The following CSMD1 variants were observed in gnomAD, a reference collection of about 807,000 sequenced individuals.
The protein encoded by CSMD1 is CUB and sushi domain-containing protein 1.
Under a neutral mutation model 417.5 loss-of-function variants are expected in CSMD1, and 213 were observed. The ratio of observed to expected loss-of-function variants is 0.51; its 90% CI spans 0.46 to 0.57. CSMD1 has a LOEUF of 0.57. Ranked by LOEUF, CSMD1 falls within the 20% of genes least tolerant of loss-of-function variation. The pLI, the probability that CSMD1 is intolerant of heterozygous loss-of-function variation, is 0.00. For missense variants in CSMD1, 6,923 were observed against 4,529.7 expected (o/e 1.53, Z -15.17); for synonymous variants, 2,862 against 1,736.8 (o/e 1.65, Z -16.11).
rs1157479482 is a variant in CSMD1 at position 4,201,540 on chromosome 8, CAAAAAAAAAAAAAAAAA to C, written c.416-169458_416-169442del. ...GTAAGAGATCCAGACTCTGTCTCCA[CAAAAAAAAAAAAAAAAA>C]AAAAAAAAAAAAAAAAAAATCAGAA... On this transcript the variant is annotated intron_variant, in intron 3 of 69. Coordinates refer to ENST00000635120, the MANE Select transcript of CSMD1 (RefSeq NM_033225.6). 1.2e-4 allele frequency among the ~76,000 whole-genome samples: 7 copies of C among 59,048 alleles called. No individual in the cohort carries two copies. The East Asian group carries it at 3.0e-3, about 25-fold the overall frequency. 38.7% of individuals were successfully genotyped at this position (59,048 alleles called of 152,430 possible). A position where few individuals can be genotyped will look rare whatever the true frequency, so the allele number is the denominator to read the frequency against.
intron 7 of CSMD1, among the ~76,000 whole-genome samples, chr8:3,664,867 C>G (rs1006148253): frequency 1.3e-5 from 2 of 152,160 alleles, no homozygotes; most frequent in African/African-American, 4.8e-5. Context: ...ATAAACAATT[C>G]AGACAGAATT....
intron 1 of CSMD1, among the ~76,000 whole-genome samples, chr8:4,796,656 A>T (rs1032358161): frequency 1.3e-5 from 2 of 152,180 alleles, no homozygotes; most frequent in Non-Finnish European, 2.9e-5. Context: ...ACACTGGGAA[A>T]CAAATGAGCA....
chr8:4,871,952 G>C (rs1802762148), intron 1 of CSMD1, among the ~76,000 whole-genome samples: 1 of 151,988 alleles, frequency 6.6e-6, no homozygotes, highest in South Asian at 2.1e-4. Context: ...CTATGGTCTG[G>C]ACCAAGCATA....
chr8:4,441,339 C>G (rs1046990521), intron 2 of CSMD1, among the ~76,000 whole-genome samples: 2 of 143,732 alleles, frequency 1.4e-5, no homozygotes, highest in East Asian at 2.1e-4. Context: ...TTTTAAACAG[C>G]TGGCCCCAAG....
chr8:3,314,131 G>C (rs895276431), intron 23 of CSMD1, among the ~76,000 whole-genome samples: 3 of 151,862 alleles, frequency 2.0e-5, no homozygotes, highest in African/African-American at 4.8e-5. Flanking sequence ...GGGGTGGGGG[G>C]AGTGGGGAGG....
intron 53 of CSMD1, among the ~76,000 whole-genome samples, chr8:2,999,621 A>C (rs1458314720): frequency 6.6e-6 from 1 of 152,112 alleles, no homozygotes; most frequent in Non-Finnish European, 1.5e-5. Flanking sequence ...CCCTCCTACT[A>C]TCAGCTTTTC....
At chr8:3,704,953 G>C (rs1024573533) in intron 7 of CSMD1, 2 of 152,178 alleles carry the variant, frequency 1.3e-5, no homozygotes, top group Non-Finnish European at 2.9e-5. Flanking sequence ...CCCAGTGTTT[G>C]TTTTTACTTT....
At chr8:3,972,899 ATG>A (rs1813184088) in intron 5 of CSMD1, among the ~76,000 whole-genome samples, 1 of 151,722 alleles carries the variant, frequency 6.6e-6, no homozygotes, top group African/African-American at 2.4e-5. Flanking sequence ...AAATGTAAAA[ATG>A]GAAAACAACC....
At chr8:4,671,215 G>C (rs184159455) in intron 1 of CSMD1, among the ~76,000 whole-genome samples, 1 of 152,248 alleles carries the variant, frequency 6.6e-6, no homozygotes, top group African/African-American at 2.4e-5. Context: ...TCAAGATGAA[G>C]TATTCAATCC....
At chr8:3,084,100 T>C (rs972821576) in intron 49 of CSMD1, among the ~76,000 whole-genome samples, 5 of 152,284 alleles carry the variant, frequency 3.3e-5, no homozygotes, top group African/African-American at 1.2e-4. Flanking sequence ...AGAAGGTTTC[T>C]AGCATAATCC....
At chr8:4,839,678 A>G (rs990546233) in intron 1 of CSMD1, among the ~76,000 whole-genome samples, 2 of 152,204 alleles carry the variant, frequency 1.3e-5, no homozygotes, top group African/African-American at 4.8e-5. Context: ...CAGATTTCAG[A>G]ATTCTCACTT....
At chr8:4,492,863 G>T (rs576681075) in intron 2 of CSMD1, among the ~76,000 whole-genome samples, 1 of 152,150 alleles carries the variant, frequency 6.6e-6, no homozygotes, top group African/African-American at 2.4e-5. Flanking sequence ...TACAGAACAT[G>T]CTTGAAAAAT....
chr8:4,245,054 G>C (rs1453392322), intron 3 of CSMD1, among the ~76,000 whole-genome samples: 5 of 152,252 alleles, frequency 3.3e-5, no homozygotes, highest in African/African-American at 1.2e-4. Flanking sequence ...ATTAGAAAAT[G>C]TGTATTATAG....
At chr8:3,870,733 T>C (rs1270532335) in intron 5 of CSMD1, among the ~76,000 whole-genome samples, 2 of 152,166 alleles carry the variant, frequency 1.3e-5, no homozygotes, top group African/African-American at 2.4e-5. Flanking sequence ...TCTGTTAATG[T>C]CCTATGGCCA....
chr8:4,139,855 T>C (rs13259627), intron 3 of CSMD1, among the ~76,000 whole-genome samples: 45,325 of 150,516 alleles, frequency 0.3, 8,460 homozygotes, highest in Non-Finnish European at 0.39. Context: ...AGTGATCAGA[T>C]GGAAATTTTA....
At chr8:4,159,356 T>A (rs146418220) in intron 3 of CSMD1, among the ~76,000 whole-genome samples, 282 of 152,328 alleles carry the variant, frequency 1.9e-3, no homozygotes, top group African/African-American at 6.5e-3. Context: ...AATATTTTTA[T>A]TTGTGATTCA....
chr8:3,437,158 T>G (rs1405477703), intron 12 of CSMD1, among the ~76,000 whole-genome samples: 2 of 152,152 alleles, frequency 1.3e-5, no homozygotes, highest in African/African-American at 4.8e-5. Flanking sequence ...CAAATGCAAT[T>G]GTGTGAATTT....
At chr8:3,231,152 C>T (rs2116911670) in intron 26 of CSMD1, among the ~76,000 whole-genome samples, 1 of 152,264 alleles carries the variant, frequency 6.6e-6, no homozygotes, top group Admixed American at 6.5e-5. Flanking sequence ...CAGTTGTTTT[C>T]TCCAGTTTCT....
At chr8:4,556,008 T>G (rs1302644515) in intron 2 of CSMD1, among the ~76,000 whole-genome samples, 2 of 152,080 alleles carry the variant, frequency 1.3e-5, no homozygotes, top group Non-Finnish European at 2.9e-5. Context: ...TTTTTGAACC[T>G]CTAAATGCTT....
Sources: gnomAD v4.1 joint callset for allele counts (sites outside exome capture counted in the v4.1 genomes callset) on GRCh38, gnomAD v4.1.1 for gene constraint, MANE v1.5 for transcripts, NCBI Gene and HGNC (gene_info 2026-07-23, HGNC 2026-07-21) for gene names.